The following AFF3 variants were observed in gnomAD, a reference collection of about 807,000 sequenced individuals.
AFF3 encodes ALF transcription elongation factor 3.
Under a neutral mutation model 129.7 loss-of-function variants are expected in AFF3, and 32 were observed. The ratio of observed to expected loss-of-function variants is 0.25; its 90% CI spans 0.19 to 0.33. AFF3 has a LOEUF of 0.33. Among genes scored for constraint, AFF3 ranks in the 10% least tolerant of loss-of-function variants. The probability of loss-of-function intolerance (pLI) is 1.00; values close to 1 mark genes in which losing one functional copy is unlikely to be tolerated. For missense variants in AFF3, 1,373 were observed against 1,592.0 expected, an observed-to-expected ratio of 0.86 and a Z score of 2.34; for synonymous variants, 644 against 635.4, an observed-to-expected ratio of 1.01 and a Z score of -0.20.
At chr2:99,629,102 C>T (rs1325271756) in intron 13 of AFF3, among the ~76,000 whole-genome samples, 2 of 152,208 alleles carry the variant, frequency 1.3e-5, no homozygotes, top group Non-Finnish European at 2.9e-5. Flanking sequence ...AAGTGATCCA[C>T]CTGCCTCGGC....
chr2:99,832,273 A>T (rs931007011), intron 8 of AFF3, among the ~76,000 whole-genome samples: 2 of 152,252 alleles, frequency 1.3e-5, no homozygotes, highest in Admixed American at 6.5e-5. Flanking sequence ...AATGACGTGC[A>T]TCAAAATGAA....
At chr2:99,766,343 T>A (rs1683018480) in intron 8 of AFF3, among the ~76,000 whole-genome samples, 1 of 152,226 alleles carries the variant, frequency 6.6e-6, no homozygotes, top group African/African-American at 2.4e-5. Flanking sequence ...TATGCAAGTA[T>A]TTTTCTCAGT....
intron 5 of AFF3, chr2:100,007,793 G>A (rs747336394): frequency 2.5e-5 from 7 of 280,690 alleles, no homozygotes; most frequent in South Asian, 9.4e-5. Flanking sequence ...TGACCAACAC[G>A]GCAAAACCCT....
intron 12 of AFF3, among the ~76,000 whole-genome samples, chr2:99,653,943 G>A (rs1032511035): frequency 6.7e-6 from 1 of 148,188 alleles, no homozygotes; most frequent in Admixed American, 6.9e-5. Flanking sequence ...GCAGTGATGC[G>A]GTCTCAGCTT....
chr2:100,007,366 C>T lies in AFF3; in HGVS notation c.269G>A (p.Ser90Asn), dbSNP rs758145148. The T allele has an allele frequency of 2.5e-6, 4 of 1,613,900 alleles. No individual in the cohort carries two copies. Among genetic ancestry groups the T allele is most frequent in the Non-Finnish European group, 3.4e-6 (4 of 1,179,880 alleles). The part of the protein sequence containing the change: ...KDFLTDRSNQ[S>N]HLVGVPKPGV... ...AGGTTTGGGAACTCCAACGAGATGACTCTGATTGGATCTATCAGTTAAAAA... is the reference window on the plus strand; with the variant it reads ...AGGTTTGGGAACTCCAACGAGATGATTCTGATTGGATCTATCAGTTAAAAA... Residue 90 changes from serine (S) to asparagine (N), a missense_variant, in exon 6 of 25, where the codon AGT becomes AAT. By Grantham distance (46) the Ser-to-Asn change is conservative. This residue lies in a region of AFF3 where 255 missense variants were observed against 256.0 expected (regional missense o/e 1.00). Transcript: ENST00000672756.
chr2:99,686,547 T>C (rs1675080520), intron 11 of AFF3, among the ~76,000 whole-genome samples: 1 of 152,222 alleles, frequency 6.6e-6, no homozygotes, highest in Non-Finnish European at 1.5e-5. Context: ...ATATTGCATA[T>C]TGAAGAGTTG....
At chr2:99,665,953 T>C (rs147147920) in intron 12 of AFF3, among the ~76,000 whole-genome samples, 51 of 152,264 alleles carry the variant, frequency 3.3e-4, no homozygotes, top group Middle Eastern at 3.4e-3. Context: ...ACAGAGGTCA[T>C]TGGGGGCCCA....
intron 10 of AFF3, among the ~76,000 whole-genome samples, chr2:99,731,544 C>T (rs1164069393): frequency 6.6e-6 from 1 of 152,158 alleles, no homozygotes; most frequent in Non-Finnish European, 1.5e-5. Flanking sequence ...CTATGTCTTT[C>T]CTTTTATATC....
At chr2:99,740,191 T>A (rs1232376508) in intron 10 of AFF3, among the ~76,000 whole-genome samples, 63 of 151,104 alleles carry the variant, frequency 4.2e-4, no homozygotes, top group African/African-American at 1.5e-3. Flanking sequence ...ATGTGCCACA[T>A]TTTCTTAATC....
At chr2:99,623,209 C>A (rs1682212772) in intron 13 of AFF3, among the ~76,000 whole-genome samples, 1 of 147,788 alleles carries the variant, frequency 6.8e-6, no homozygotes, top group Non-Finnish European at 1.5e-5. Context: ...CAAATAAGGG[C>A]AATGATCAGC....
intron 4 of AFF3, among the ~76,000 whole-genome samples, chr2:100,095,488 G>C (rs1690208820): frequency 6.6e-6 from 1 of 152,186 alleles, no homozygotes. Flanking sequence ...AAACACTATT[G>C]CAAGAACTTC....
chr2:100,033,012 C>A (rs1684632287), intron 4 of AFF3, among the ~76,000 whole-genome samples: 1 of 152,128 alleles, frequency 6.6e-6, no homozygotes, highest in South Asian at 2.1e-4. Flanking sequence ...ATCCTCTGTA[C>A]TTTTCATACA....
At chr2:99,726,269 T>C (rs1376611916) in intron 11 of AFF3, among the ~76,000 whole-genome samples, 1 of 152,202 alleles carries the variant, frequency 6.6e-6, no homozygotes, top group African/African-American at 2.4e-5. Context: ...ACAAACTGAT[T>C]TCCAATCAAC....
rs544344239 is a variant in AFF3, at chr2:99,673,593, A to C, written c.1092-1004T>G. On this transcript the variant is annotated intron_variant, in intron 11 of 24. Transcript: ENST00000672756. ...CCACGCAGAGACGCTCTGAGGGAGCAGGGGAGAGCCCACTTCTGAGGGACC... is the reference window on the plus strand; with the variant it reads ...CCACGCAGAGACGCTCTGAGGGAGCCGGGGAGAGCCCACTTCTGAGGGACC... Among the ~76,000 whole-genome samples, 12 of 152,322 alleles carry C rather than the reference A, an allele frequency of 7.9e-5. No homozygotes were observed. In the East Asian group the frequency reaches 2.1e-3, roughly 27 times the overall value.
chr2:100,001,593 TA>T (rs1483796361), intron 7 of AFF3, among the ~76,000 whole-genome samples: 2 of 152,146 alleles, frequency 1.3e-5, no homozygotes, highest in Non-Finnish European at 2.9e-5. Context: ...CACGCCCAGC[TA>T]ATTTTTGTAT....
chr2:100,008,705 G>C, intron 5 of AFF3, 107 bp downstream of exon 5: 1 of 1,360,846 alleles, frequency 7.3e-7, no homozygotes, highest in Non-Finnish European at 1.0e-6. Flanking sequence ...TGAACAGACA[G>C]AAGATGCAGT....
chr2:99,996,639 C>A (rs1394727646), intron 7 of AFF3, among the ~76,000 whole-genome samples: 1 of 151,648 alleles, frequency 6.6e-6, no homozygotes, highest in Non-Finnish European at 1.5e-5. Flanking sequence ...CTCAGCCTCC[C>A]AAAGTGCTGG....
At chr2:99,783,527 G>A (rs1001695637) in intron 8 of AFF3, among the ~76,000 whole-genome samples, 3 of 152,212 alleles carry the variant, frequency 2.0e-5, no homozygotes, top group Admixed American at 2.0e-4. Context: ...GGAATACACG[G>A]CACAGGAGGA....
intron 13 of AFF3, among the ~76,000 whole-genome samples, chr2:99,623,018 T>C (rs1682182330): frequency 6.6e-6 from 1 of 152,114 alleles, no homozygotes; most frequent in African/African-American, 2.4e-5. Flanking sequence ...AGACTTTTGG[T>C]GGTCGAAGGG....
Sources: gnomAD v4.1 joint callset for allele counts (sites outside exome capture counted in the v4.1 genomes callset) on GRCh38, gnomAD v4.1.1 for gene constraint, gnomAD v4.1.1 regional missense constraint, MANE v1.5 for transcripts, NCBI Gene and HGNC (gene_info 2026-07-23, HGNC 2026-07-21) for gene names.